The following DGKB variants were observed in gnomAD, a reference collection of about 807,000 sequenced individuals.
The protein encoded by DGKB is diacylglycerol kinase beta.
A neutral mutation model predicts 114.3 loss-of-function variants in DGKB; 67 were observed. That is an observed-to-expected ratio of 0.59 (90% confidence interval 0.48 to 0.72). The LOEUF (loss-of-function observed/expected upper bound fraction) is 0.72, where lower values mean the gene tolerates loss of function less well. DGKB is among the 30% of genes least tolerant of loss of function. DGKB has a pLI of 0.00. For synonymous variants in DGKB, 398 were observed against 323.1 expected (o/e 1.23, Z -2.49); for missense variants, 907 against 975.2 (o/e 0.93, Z 0.93).
chr7:14,757,844 T>G (rs1835115192), intron 2 of DGKB, 113 bp from the exon 3 acceptor site: 1 of 535,466 alleles, frequency 1.9e-6, no homozygotes, highest in Non-Finnish European at 3.4e-6. Context: ...AGAAACTAAA[T>G]TTAAAAACCA....
At chr7:14,566,920 G>C (rs1463566729) in intron 20 of DGKB, among the ~76,000 whole-genome samples, 1 of 150,600 alleles carries the variant, frequency 6.6e-6, no homozygotes, top group Admixed American at 6.7e-5. Context: ...TCAGATCTAC[G>C]GTTGATGTCC....
intron 1 of DGKB, among the ~76,000 whole-genome samples, chr7:14,935,074 T>C (rs1785207050): frequency 6.6e-6 from 1 of 152,170 alleles, no homozygotes; most frequent in African/African-American, 2.4e-5. Flanking sequence ...TCTGAGAATA[T>C]CAGCTGACAA....
rs559522341 is a variant in DGKB, at chr7:14,784,456, C to T, written c.71-26725G>A. 2.8e-3 allele frequency among the ~76,000 whole-genome samples: 431 copies of T among 151,620 alleles called. 2 individuals carry two copies. The highest frequency in any genetic ancestry group is 0.01 in the African/African-American group (415 of 41,270). ...GATCTTGGCTCAATGCAGCCTCTGC[C>T]TCCCAGTTTCCCAGGTTCAAGCGAT... On this transcript the variant is annotated intron_variant, in intron 2 of 25. Coordinates refer to ENST00000402815, the MANE Select transcript of DGKB (RefSeq NM_001350709.2).
chr7:14,842,477 A>G (rs1431669740), intron 1 of DGKB, among the ~76,000 whole-genome samples: 1 of 152,222 alleles, frequency 6.6e-6, no homozygotes, highest in African/African-American at 2.4e-5. Flanking sequence ...ATGTGCTCAC[A>G]GAGACCAAAC....
intron 23 of DGKB, among the ~76,000 whole-genome samples, chr7:14,272,146 C>T (rs1009399684): frequency 3.3e-5 from 5 of 152,100 alleles, no homozygotes; most frequent in Non-Finnish European, 7.4e-5. Flanking sequence ...TCATGCTAAC[C>T]AACTGTTATT....
intron 23 of DGKB, among the ~76,000 whole-genome samples, chr7:14,189,388 CACAA>C (rs532920507): frequency 1.3e-3 from 197 of 152,132 alleles, no homozygotes; most frequent in Admixed American, 2.2e-3. Flanking sequence ...CTGTGGTAAT[CACAA>C]ACAAATAATG....
intron 13 of DGKB, among the ~76,000 whole-genome samples, chr7:14,643,258 G>T (rs1229063627): frequency 6.6e-6 from 1 of 152,150 alleles, no homozygotes; most frequent in Non-Finnish European, 1.5e-5. Context: ...ATTCCCATCA[G>T]AGATGTCTGG....
intron 6 of DGKB, among the ~76,000 whole-genome samples, chr7:14,712,401 G>T (rs938022768): frequency 1.4e-4 from 21 of 152,266 alleles, no homozygotes; most frequent in Non-Finnish European, 2.8e-4. Context: ...TTATGGTGGA[G>T]AATTTGGGAA....
At position 14,787,074 on chromosome 7, in the gene DGKB, G is replaced by A. The variant is rs895098158; in HGVS notation, c.71-29343C>T. 2.0e-5 allele frequency among the ~76,000 whole-genome samples: 3 copies of A among 152,256 alleles called. No individual in the cohort carries two copies. In the South Asian group the frequency reaches 6.2e-4, roughly 32 times the overall value. On this transcript the variant is annotated intron_variant, in intron 2 of 25. Transcript: ENST00000402815. ...AGTAGATAGGAGCTACCCCGTTTGG[G>A]TGTCCTGAGAGCTGTACTGTCACTC...
At chr7:14,759,313 G>T (rs1399214690) in intron 2 of DGKB, among the ~76,000 whole-genome samples, 1 of 152,114 alleles carries the variant, frequency 6.6e-6, no homozygotes, top group Non-Finnish European at 1.5e-5. Flanking sequence ...GTAATTTTTA[G>T]CATATTCATG....
At chr7:14,190,543 C>T in intron 23 of DGKB, among the ~76,000 whole-genome samples, 1 of 148,550 alleles carries the variant, frequency 6.7e-6, no homozygotes, top group Non-Finnish European at 1.5e-5. Context: ...AATAATAAAA[C>T]TCAGAGCAGA....
At chr7:14,397,416 A>G (rs1247579160) in intron 21 of DGKB, among the ~76,000 whole-genome samples, 1 of 152,110 alleles carries the variant, frequency 6.6e-6, no homozygotes, top group Non-Finnish European at 1.5e-5. Flanking sequence ...CAGTTGTTAG[A>G]AATATTCTGT....
At chr7:14,407,737 A>G (rs201574535) in intron 21 of DGKB, among the ~76,000 whole-genome samples, 5 of 152,098 alleles carry the variant, frequency 3.3e-5, no homozygotes, top group East Asian at 1.9e-4. Flanking sequence ...GACAGAGTAA[A>G]TATTTCAAAT....
At chr7:14,839,001 T>C (rs1242238613) in intron 2 of DGKB, among the ~76,000 whole-genome samples, 2 of 152,112 alleles carry the variant, frequency 1.3e-5, no homozygotes, top group East Asian at 3.9e-4. Context: ...AAATCCTCCC[T>C]CTTGTACGAA....
chr7:14,938,554 A>G (rs1785391496), intron 1 of DGKB, among the ~76,000 whole-genome samples: 2 of 152,186 alleles, frequency 1.3e-5, no homozygotes, highest in Admixed American at 6.5e-5. Flanking sequence ...ACATTTTATC[A>G]AGAACCCAAA....
intron 14 of DGKB, among the ~76,000 whole-genome samples, chr7:14,628,390 A>G (rs1269429947): frequency 6.6e-6 from 1 of 151,976 alleles, no homozygotes; most frequent in Non-Finnish European, 1.5e-5. Context: ...GGGTATTAAT[A>G]ATAAAAATAG....
At chr7:14,793,191 CTT>C (rs1840929090) in intron 2 of DGKB, among the ~76,000 whole-genome samples, 2 of 152,176 alleles carry the variant, frequency 1.3e-5, no homozygotes, top group East Asian at 1.9e-4. Flanking sequence ...TATAATGACA[CTT>C]AAGAAAAATA....
At chr7:14,871,625 G>C in intron 1 of DGKB, among the ~76,000 whole-genome samples, 1 of 152,092 alleles carries the variant, frequency 6.6e-6, no homozygotes, top group Non-Finnish European at 1.5e-5. Flanking sequence ...AGAAGAATTA[G>C]GCCTTCTGTT....
At chr7:14,800,198 G>C (rs1048790028) in intron 2 of DGKB, among the ~76,000 whole-genome samples, 4 of 152,146 alleles carry the variant, frequency 2.6e-5, no homozygotes, top group Non-Finnish European at 2.9e-5. Context: ...TTACAGGCGT[G>C]AGCCACCGCG....
Sources: allele counts gnomAD v4.1 joint callset (sites outside exome capture counted in the v4.1 genomes callset), GRCh38; gene constraint gnomAD v4.1.1; transcripts MANE v1.5; gene names NCBI Gene and HGNC (gene_info 2026-07-23, HGNC 2026-07-21).